Variants in DPP10 observed in about 807,000 individuals in gnomAD.
DPP10 encodes the protein dipeptidyl peptidase like 10.
Under a neutral mutation model 120.9 loss-of-function variants are expected in DPP10, and 33 were observed. The ratio of observed to expected loss-of-function variants is 0.27; its 90% CI spans 0.21 to 0.37. The LOEUF is 0.37. DPP10 is among the 10% of genes least tolerant of loss of function. The pLI, the probability that DPP10 is intolerant of heterozygous loss-of-function variation, is 1.00. For synonymous variants in DPP10, 337 were observed against 326.1 expected (o/e 1.03, Z -0.36); for missense variants, 816 against 942.8 (o/e 0.87, Z 1.76).
chr2:114,710,901 C>T (rs1700985145), intron 1 of DPP10, among the ~76,000 whole-genome samples: 1 of 152,114 alleles, frequency 6.6e-6, no homozygotes, highest in Admixed American at 6.5e-5. Context: ...AAAGAAACTG[C>T]TTTCGACTAA....
intron 1 of DPP10, among the ~76,000 whole-genome samples, chr2:115,082,044 CTTG>C (rs1708315493): frequency 1.3e-5 from 2 of 152,206 alleles, no homozygotes; most frequent in South Asian, 4.2e-4. Context: ...GTCTTATTGT[CTTG>C]TTGTCTGTGT....
intron 1 of DPP10, among the ~76,000 whole-genome samples, chr2:115,279,895 C>G (rs2060088529): frequency 6.6e-6 from 1 of 151,938 alleles, no homozygotes; most frequent in Non-Finnish European, 1.5e-5. Context: ...CTCCTGATCT[C>G]AGGTGATCCA....
chr2:115,116,147 A>AT (rs61553657), intron 1 of DPP10, among the ~76,000 whole-genome samples: 19,112 of 151,892 alleles, frequency 0.13, 2,199 homozygotes, highest in African/African-American at 0.31. Flanking sequence ...TTCAAATCTC[A>AT]TTTTTTTTCC....
chr2:115,626,900 T>A (rs905408362), intron 5 of DPP10, among the ~76,000 whole-genome samples: 2 of 152,140 alleles, frequency 1.3e-5, no homozygotes, highest in Admixed American at 1.3e-4. Flanking sequence ...TAAATACCAC[T>A]CACTAAACAC....
At chr2:114,939,296 T>C (rs1480522079) in intron 1 of DPP10, among the ~76,000 whole-genome samples, 1 of 152,170 alleles carries the variant, frequency 6.6e-6, no homozygotes, top group African/African-American at 2.4e-5. Context: ...AGGCATCCTC[T>C]TGTTCATTTT....
intron 1 of DPP10, among the ~76,000 whole-genome samples, chr2:115,253,185 CCACA>C (rs1430718649): frequency 6.6e-6 from 1 of 151,944 alleles, no homozygotes; most frequent in Non-Finnish European, 1.5e-5. Context: ...GGGGGAGGTG[CCACA>C]CACTTTAAAC....
At chr2:115,455,093 A>C (rs1013800232) in intron 3 of DPP10, among the ~76,000 whole-genome samples, 1 of 151,434 alleles carries the variant, frequency 6.6e-6, no homozygotes, top group African/African-American at 2.4e-5. Flanking sequence ...ACAAACTAAG[A>C]ATATAAATAA....
At chr2:114,539,473 G>T (rs1686784001) in intron 1 of DPP10, among the ~76,000 whole-genome samples, 1 of 152,116 alleles carries the variant, frequency 6.6e-6, no homozygotes, top group South Asian at 2.1e-4. Context: ...CTATTCTCAT[G>T]CTTCAGTCCC....
intron 1 of DPP10, among the ~76,000 whole-genome samples, chr2:114,940,309 G>A (rs1237805621): frequency 6.6e-6 from 1 of 152,066 alleles, no homozygotes; most frequent in Admixed American, 6.6e-5. Flanking sequence ...ACTTTGGATG[G>A]TCTGACTATC....
Position 114,497,282 on chromosome 2 carries a change from TGTATACATGTACATGTATAC to T in DPP10, c.60+54447_60+54466del, listed in dbSNP as rs1460221657. Among the ~76,000 whole-genome samples, 16 of 128,124 alleles carry T rather than the reference TGTATACATGTACATGTATAC, an allele frequency of 1.2e-4. No individual in the cohort carries two copies. The East Asian group carries it at 1.7e-3, about 14-fold the overall frequency. 84.1% of individuals were successfully genotyped at this position (128,124 alleles called of 152,430 possible). ...GTGTGTATACATGTACATGTATACG[TGTATACATGTACATGTATAC>T]GTGTATACATGTACATGTATACGTG... On this transcript the variant is annotated intron_variant, in intron 1 of 25. Coordinates refer to ENST00000410059, the MANE Select transcript of DPP10 (RefSeq NM_020868.6).
intron 1 of DPP10, among the ~76,000 whole-genome samples, chr2:114,770,455 G>A (rs907439065): frequency 2.6e-5 from 4 of 152,122 alleles, no homozygotes; most frequent in African/African-American, 9.7e-5. Flanking sequence ...GGAAACATGA[G>A]AAATGGGGAC....
chr2:114,477,930 CATATGTGTATATATGTACAT>C (rs1427069720), intron 1 of DPP10, among the ~76,000 whole-genome samples: 2 of 134,390 alleles, frequency 1.5e-5, no homozygotes, highest in African/African-American at 5.8e-5. Context: ...TATATATGTA[CATATGTGTATATATGTACAT>C]ATATGTGTGT....
At chr2:114,787,305 G>A (rs1341211166) in intron 1 of DPP10, among the ~76,000 whole-genome samples, 1 of 152,120 alleles carries the variant, frequency 6.6e-6, no homozygotes, top group East Asian at 1.9e-4. Flanking sequence ...TTTTAGAAAC[G>A]GAGAGAAAGC....
intron 1 of DPP10, among the ~76,000 whole-genome samples, chr2:115,176,200 T>A (rs1315909004): frequency 6.6e-6 from 1 of 151,080 alleles, no homozygotes; most frequent in Non-Finnish European, 1.5e-5. Context: ...TTAGTATTTT[T>A]ATTATTGACA....
intron 1 of DPP10, among the ~76,000 whole-genome samples, chr2:114,911,607 G>A (rs1446296935): frequency 1.3e-5 from 2 of 152,136 alleles, no homozygotes; most frequent in African/African-American, 2.4e-5. Context: ...TTAATTTGGG[G>A]CAAAGGATGA....
At chr2:114,684,701 T>A (rs1699255922) in intron 1 of DPP10, among the ~76,000 whole-genome samples, 1 of 151,962 alleles carries the variant, frequency 6.6e-6, no homozygotes, top group Non-Finnish European at 1.5e-5. Flanking sequence ...AGACAAGCAG[T>A]TACACATTTC....
intron 1 of DPP10, among the ~76,000 whole-genome samples, chr2:114,994,751 C>A (rs997278072): frequency 6.6e-6 from 1 of 152,144 alleles, no homozygotes; most frequent in African/African-American, 2.4e-5. Context: ...CCCCTGGGAG[C>A]CTGAAAAATG....
chr2:115,365,659 T>C (rs2065037477), intron 3 of DPP10, among the ~76,000 whole-genome samples: 1 of 152,114 alleles, frequency 6.6e-6, no homozygotes, highest in Non-Finnish European at 1.5e-5. Flanking sequence ...TAGAGAGTCT[T>C]CCTTACTTTG....
chr2:115,824,056 C>A (rs191415600), intron 21 of DPP10, among the ~76,000 whole-genome samples: 2 of 152,194 alleles, frequency 1.3e-5, no homozygotes, highest in Admixed American at 1.3e-4. Context: ...ATATCTATAT[C>A]TAGCTAGCTA....
Sources: allele counts gnomAD v4.1 joint callset (sites outside exome capture counted in the v4.1 genomes callset), GRCh38; gene constraint gnomAD v4.1.1; transcripts MANE v1.5; gene names NCBI Gene and HGNC (gene_info 2026-07-23, HGNC 2026-07-21).